The following AGAP1 variants were observed in gnomAD, a reference collection of about 807,000 sequenced individuals.
AGAP1 encodes the protein ArfGAP with GTPase domain, ankyrin repeat and PH domain 1.
In AGAP1, 29 loss-of-function variants were observed where a neutral mutation model predicts 105.3. The ratio of observed to expected loss-of-function variants is 0.28; its 90% CI spans 0.21 to 0.38. AGAP1 has a LOEUF of 0.38. Ranked by LOEUF, AGAP1 falls within the 10% of genes least tolerant of loss-of-function variation. The pLI, the probability that AGAP1 is intolerant of heterozygous loss-of-function variation, is 1.00. For synonymous variants in AGAP1, 509 were observed against 485.9 expected, an observed-to-expected ratio of 1.05 and a Z score of -0.63; for missense variants, 998 against 1,165.1, an observed-to-expected ratio of 0.86 and a Z score of 2.09.
At chr2:235,494,936 A>C in intron 1 of AGAP1, 87 bp downstream of exon 1, 1 of 1,319,128 alleles carries the variant, frequency 7.6e-7, no homozygotes, top group Non-Finnish European at 1.0e-6. Context: ...GCGGGTGTCC[A>C]CACACGCCGG....
At chr2:235,995,747 G>T (rs986795924) in intron 13 of AGAP1, among the ~76,000 whole-genome samples, 1 of 152,106 alleles carries the variant, frequency 6.6e-6, no homozygotes, top group Non-Finnish European at 1.5e-5. Flanking sequence ...TCTCTGTCTC[G>T]GAGCCATACT....
At chr2:235,984,059 C>G (rs1307303708) in intron 13 of AGAP1, among the ~76,000 whole-genome samples, 1 of 152,210 alleles carries the variant, frequency 6.6e-6, no homozygotes, top group Admixed American at 6.5e-5. Flanking sequence ...AGCAACAACT[C>G]CCCAGCCCCT....
chr2:235,921,617 G>A (rs890567241), intron 11 of AGAP1, among the ~76,000 whole-genome samples: 7 of 152,122 alleles, frequency 4.6e-5, no homozygotes, highest in Admixed American at 3.3e-4. Context: ...GTATTTAGTA[G>A]TAATTACATC....
rs2055442660 is a variant in AGAP1, at chr2:235,989,015, C to A, written c.1645+20392C>A. Among the ~76,000 whole-genome samples the A allele has an allele frequency of 6.6e-6, 1 of 152,280 alleles. No individual in the cohort carries two copies. The highest frequency in any genetic ancestry group is 2.4e-5 in the African/African-American group (1 of 41,556). On this transcript the variant is annotated intron_variant, in intron 13 of 17. Transcript: ENST00000304032. The surrounding 1 kb of genome is among the most constrained non-coding windows in gnomAD (Gnocchi z 4.4). ...CCACACGTTGTCAGGCTTCCCTTGGCCAATAATGTGGAGTCTTTTGGTTTT... is the reference window on the plus strand; with the variant it reads ...CCACACGTTGTCAGGCTTCCCTTGGACAATAATGTGGAGTCTTTTGGTTTT...
chr2:235,576,815 A>T (rs374389534), intron 1 of AGAP1, among the ~76,000 whole-genome samples: 3 of 152,154 alleles, frequency 2.0e-5, no homozygotes, highest in Non-Finnish European at 4.4e-5. Flanking sequence ...TCTTCCCGTG[A>T]CTGTTCTTCC....
chr2:235,979,615 C>A lies in AGAP1; in HGVS notation c.1645+10992C>A, dbSNP rs936221631. On this transcript the variant is annotated intron_variant, in intron 13 of 17. Transcript: ENST00000304032. This position sits in a 1 kb window ranked among gnomAD's most constrained non-coding sequence, Gnocchi z 4.5. ...AGAACAGGCGCAGCGAACGTTCCGG[C>A]AGGCATTGCCGTGCACGGACACACA... is the stretch of plus-strand genomic sequence containing the variant. Among the ~76,000 whole-genome samples the A allele has an allele frequency of 6.6e-6, 1 of 152,294 alleles. No individual in the cohort carries two copies. Among genetic ancestry groups the A allele is most frequent in the South Asian group, 2.1e-4 (1 of 4,832 alleles).
chr2:235,704,979 T>C (rs866477412), intron 1 of AGAP1, among the ~76,000 whole-genome samples: 3,328 of 129,054 alleles, frequency 0.026, 227 homozygotes, highest in African/African-American at 0.095. Flanking sequence ...CTTTTTTTTT[T>C]TTTTTTTTTT....
At chr2:235,779,139 A>G (rs979759368) in intron 6 of AGAP1, among the ~76,000 whole-genome samples, 1 of 152,244 alleles carries the variant, frequency 6.6e-6, no homozygotes, top group Non-Finnish European at 1.5e-5. Context: ...AACATTTACC[A>G]AGAACACAGA....
chr2:235,873,084 C>A (rs2049525335), intron 9 of AGAP1, among the ~76,000 whole-genome samples: 1 of 152,192 alleles, frequency 6.6e-6, no homozygotes. Context: ...GGACCCCTGT[C>A]CCCAGGGTGC....
chr2:236,038,895 A>G lies in AGAP1; in HGVS notation c.1801-1856A>G, dbSNP rs2125672836. On this transcript the variant is annotated intron_variant, in intron 14 of 17. Coordinates refer to ENST00000304032, the MANE Select transcript of AGAP1 (RefSeq NM_001037131.3). The surrounding 1 kb of genome is among the most constrained non-coding windows in gnomAD (Gnocchi z 4.5). The stretch of plus-strand genomic sequence containing the variant: ...ATGCCAGTGTAAACTGTTTAAACAT[A>G]TTTTGAATACTTGGGTATCTAACCA... 6.6e-6 allele frequency among the ~76,000 whole-genome samples: 1 copy of G among 152,168 alleles called. No individual in the cohort carries two copies. Among genetic ancestry groups the G allele is most frequent in the South Asian group, 2.1e-4 (1 of 4,802 alleles).
At chr2:236,015,982 T>C (rs1441330974) in intron 13 of AGAP1, among the ~76,000 whole-genome samples, 1 of 152,114 alleles carries the variant, frequency 6.6e-6, no homozygotes, top group Admixed American at 6.5e-5. Flanking sequence ...CCTCTTTTTT[T>C]CTTTCTTTCA....
chr2:235,551,506 T>A lies in AGAP1; in HGVS notation c.163+56657T>A, dbSNP rs184689409. ...GTAGAGACGGGTCGTCCAGTGATACTCAGATTGGTCTCTAACTCCTGGGCT... is the reference window on the plus strand; with the variant it reads ...GTAGAGACGGGTCGTCCAGTGATACACAGATTGGTCTCTAACTCCTGGGCT... On this transcript the variant is annotated intron_variant, in intron 1 of 17. Transcript: ENST00000304032. This position sits in a 1 kb window ranked among gnomAD's most constrained non-coding sequence, Gnocchi z 4.8. 2.2e-4 allele frequency among the ~76,000 whole-genome samples: 34 copies of A among 152,036 alleles called. No individual in the cohort carries two copies. Among genetic ancestry groups the A allele is most frequent in the Admixed American group, 1.8e-3 (28 of 15,264 alleles).
In AGAP1 at chr2:235,960,137, C is replaced by T. The variant is rs1363390643; in HGVS notation, c.1484-8325C>T. Among the ~76,000 whole-genome samples, 1 of 152,178 alleles carries T rather than the reference C, an allele frequency of 6.6e-6. No individual in the cohort carries two copies. Among genetic ancestry groups the T allele is most frequent in the Non-Finnish European group, 1.5e-5 (1 of 68,036 alleles). ...GGCGGGGAGGGTGCTTGCGGACCCA[C>T]CCTGGAGGACCTCGGCCCTGTAAGC... On this transcript the variant is annotated intron_variant, in intron 12 of 17. Coordinates refer to ENST00000304032, the MANE Select transcript of AGAP1 (RefSeq NM_001037131.3). The surrounding 1 kb of genome is among the most constrained non-coding windows in gnomAD (Gnocchi z 4.9).
intron 5 of AGAP1, among the ~76,000 whole-genome samples, chr2:235,748,478 C>T (rs895521316): frequency 2.0e-5 from 3 of 152,168 alleles, no homozygotes; most frequent in Non-Finnish European, 4.4e-5. Context: ...ATTTACTAAT[C>T]AGCAAGACAA....
At chr2:235,833,692 TAAACCTTTA>T (rs1959740824) in intron 9 of AGAP1, among the ~76,000 whole-genome samples, 1 of 152,078 alleles carries the variant, frequency 6.6e-6, no homozygotes, top group African/African-American at 2.4e-5. Context: ...CAATAACTGG[TAAACCTTTA>T]AAGATATTTA....
rs1336219255 is a variant in AGAP1, at chr2:235,789,914, G to A, written c.674-7845G>A. ...CTAAGTTAAATTTATGACCTGTTTA[G>A]TTGCAGGATGTCTTACCTTCCTTGT... On this transcript the variant is annotated intron_variant, in intron 6 of 17. Coordinates refer to ENST00000304032, the MANE Select transcript of AGAP1 (RefSeq NM_001037131.3). This position sits in a 1 kb window ranked among gnomAD's most constrained non-coding sequence, Gnocchi z 4.2. Among the ~76,000 whole-genome samples the A allele has an allele frequency of 1.3e-5, 2 of 152,178 alleles. No individual in the cohort carries two copies. Among genetic ancestry groups the A allele is most frequent in the African/African-American group, 4.8e-5 (2 of 41,440 alleles).
At chr2:235,808,867 A>G (rs1279318434) in intron 9 of AGAP1, among the ~76,000 whole-genome samples, 1 of 152,224 alleles carries the variant, frequency 6.6e-6, no homozygotes, top group African/African-American at 2.4e-5. Flanking sequence ...AAAACACTTC[A>G]GAGGTCCGTG....
In AGAP1 at chr2:236,119,964, C is replaced by G. The variant is rs1331987929; in HGVS notation, c.2115-228C>G. Among the ~76,000 whole-genome samples, 1 of 152,200 alleles carries G rather than the reference C, an allele frequency of 6.6e-6. No individual in the cohort carries two copies. Among genetic ancestry groups the G allele is most frequent in the Non-Finnish European group, 1.5e-5 (1 of 68,036 alleles). On this transcript the variant is annotated intron_variant, in intron 16 of 17. Transcript: ENST00000304032. The surrounding 1 kb of genome is among the most constrained non-coding windows in gnomAD (Gnocchi z 6.6). The stretch of plus-strand genomic sequence containing the variant: ...CCCGAGAGGTTTGGATTCAGGGGGT[C>G]TGGGGCGTGACCTGAGAATCTGCAT...
At position 235,799,531 on chromosome 2, in the gene AGAP1, C is replaced by T. The variant is rs1957395076; in HGVS notation, c.957+9C>T. On this transcript the variant is annotated intron_variant, in intron 8 of 17. Transcript: ENST00000304032. The surrounding 1 kb of genome is among the most constrained non-coding windows in gnomAD (Gnocchi z 5.0). ...GGTCCAACCTGTTCACCGTGAGTGT[C>T]AACCCTGGGTGGAGATTTGAATGCG... is the stretch of plus-strand genomic sequence containing the variant. 1 of 1,612,864 alleles carries T rather than the reference C, an allele frequency of 6.2e-7. No homozygotes were observed. The highest frequency in any genetic ancestry group is 1.7e-5 in the Admixed American group (1 of 59,918).
Sources: allele counts gnomAD v4.1 joint callset (sites outside exome capture counted in the v4.1 genomes callset), GRCh38; gene constraint gnomAD v4.1.1; non-coding constraint Gnocchi (gnomAD v3.1); transcripts MANE v1.5; gene names NCBI Gene and HGNC (gene_info 2026-07-23, HGNC 2026-07-21).